The following ANO2 variants were observed in gnomAD, a reference collection of about 807,000 sequenced individuals.
ANO2 encodes anoctamin 2.
ANO2 carries 101 observed loss-of-function variants against 124.2 expected under a neutral mutation model. The ratio of observed to expected loss-of-function variants is 0.81; its 90% CI spans 0.69 to 0.96. The LOEUF (loss-of-function observed/expected upper bound fraction) is 0.96. Ranked by LOEUF, ANO2 falls within the 40% of genes least tolerant of loss-of-function variation. The pLI is 0.00. For synonymous variants in ANO2, 486 were observed against 482.5 expected (o/e 1.01, Z -0.09); for missense variants, 1,293 against 1,274.5 (o/e 1.01, Z -0.22).
At position 5,799,522 on chromosome 12, in the gene ANO2, G is replaced by T; in HGVS notation, c.1040C>A (p.Pro347His). The part of the protein sequence containing the change: ...ARYGVFYKFQ[P>H]IDLIRKYFGE... ...CACCTCTTACCTGATGAGGTCAATA[G>T]GTTGGAACTTATAGAACACTCCATA... Residue 347 changes from proline to histidine, a missense_variant, in exon 10 of 25, where the codon CCT (proline) becomes CAT (histidine). Coordinates refer to ENST00000682330, the MANE Select transcript of ANO2 (RefSeq NM_001364791.2). The T allele has an allele frequency of 6.2e-7, 1 of 1,613,884 alleles. No homozygotes were observed. The highest frequency in any genetic ancestry group is 8.5e-7 in the Non-Finnish European group (1 of 1,179,832).
chr12:5,791,139 A>G (rs1952683290), intron 10 of ANO2, among the ~76,000 whole-genome samples: 1 of 152,144 alleles, frequency 6.6e-6, no homozygotes, highest in Non-Finnish European at 1.5e-5. Flanking sequence ...TGAACCGTGG[A>G]AGCGTCTTAC....
At chr12:5,918,002 C>T (rs1391467955) in intron 3 of ANO2, among the ~76,000 whole-genome samples, 1 of 152,208 alleles carries the variant, frequency 6.6e-6, no homozygotes, top group Non-Finnish European at 1.5e-5. Context: ...CTCTTGAGCA[C>T]AGACATACTG....
chr12:5,848,625 C>T (rs568709227), intron 4 of ANO2, among the ~76,000 whole-genome samples: 39 of 152,330 alleles, frequency 2.6e-4, no homozygotes, highest in African/African-American at 9.1e-4. Context: ...CCAGCAACTG[C>T]ACCGCAGACC....
chr12:5,851,970 A>G (rs780786757), intron 4 of ANO2: 3 of 738,410 alleles, frequency 4.1e-6, no homozygotes, highest in Middle Eastern at 2.3e-4. Flanking sequence ...CTTTCCAAGG[A>G]TCAGCAGCAG....
intron 1 of ANO2, among the ~76,000 whole-genome samples, chr12:5,929,746 A>C (rs1942269293): frequency 6.7e-6 from 1 of 149,232 alleles, no homozygotes; most frequent in South Asian, 2.1e-4. Flanking sequence ...TCACTTTCTT[A>C]CCAGTCTTCC....
At chr12:5,775,981 G>A (rs936805988) in intron 10 of ANO2, among the ~76,000 whole-genome samples, 2 of 152,134 alleles carry the variant, frequency 1.3e-5, no homozygotes, top group African/African-American at 2.4e-5. Context: ...CCATCCTCAC[G>A]TATCATGATT....
intron 14 of ANO2, among the ~76,000 whole-genome samples, chr12:5,707,138 T>C (rs1173581708): frequency 6.6e-6 from 1 of 152,176 alleles, no homozygotes; most frequent in Non-Finnish European, 1.5e-5. Flanking sequence ...TTCCCCCATG[T>C]TGTTCTCATG....
At chr12:5,589,111 T>C (rs1483578880) in intron 20 of ANO2, among the ~76,000 whole-genome samples, 2 of 152,180 alleles carry the variant, frequency 1.3e-5, no homozygotes, top group African/African-American at 2.4e-5. Context: ...CAAGTCTTAG[T>C]TATCCATGGA....
chr12:5,858,597 C>A (rs1955177537), intron 3 of ANO2: 1 of 152,156 alleles, frequency 6.6e-6, no homozygotes. Context: ...GTCACTTAAC[C>A]AAATGAGCCT....
chr12:5,759,430 C>T lies in ANO2; in HGVS notation c.1056-8460G>A, dbSNP rs183337543. On this transcript the variant is annotated intron_variant, in intron 10 of 24. Coordinates refer to ENST00000682330, the MANE Select transcript of ANO2 (RefSeq NM_001364791.2). ...AAGTGACACCTTAGAGCAGGGGTCC[C>T]CAACCCCCAGACCACAGACTGGTAC... is the stretch of plus-strand genomic sequence containing the variant. Among the ~76,000 whole-genome samples the T allele has an allele frequency of 3.1e-3, 470 of 151,936 alleles. 1 individual carries two copies. The highest frequency in any genetic ancestry group is 0.011 in the African/African-American group (443 of 41,404).
intron 3 of ANO2, among the ~76,000 whole-genome samples, chr12:5,865,630 C>A (rs1955402453): frequency 6.6e-6 from 1 of 152,046 alleles, no homozygotes; most frequent in Non-Finnish European, 1.5e-5. Context: ...TGCCATCACA[C>A]CATCATACCA....
intron 3 of ANO2, among the ~76,000 whole-genome samples, chr12:5,890,591 T>C (rs1449240407): frequency 6.6e-6 from 1 of 152,200 alleles, no homozygotes; most frequent in African/African-American, 2.4e-5. Flanking sequence ...GTCCCCATCC[T>C]CAAGGTAGAG....
Position 5,762,278 on chromosome 12 carries a change from G to T in ANO2, c.1056-11308C>A, listed in dbSNP as rs1014088474. 3.9e-5 allele frequency among the ~76,000 whole-genome samples: 6 copies of T among 152,012 alleles called. No homozygotes were observed. The South Asian group carries it at 1.2e-3, about 32-fold the overall frequency. On this transcript the variant is annotated intron_variant, in intron 10 of 24. Transcript: ENST00000682330. ...CCTACTTTTGGCTTCTTATTACAAAGGAACTAAAATACCTGGGTCTGTTAG... is the reference window on the plus strand; with the variant it reads ...CCTACTTTTGGCTTCTTATTACAAATGAACTAAAATACCTGGGTCTGTTAG...
intron 3 of ANO2, among the ~76,000 whole-genome samples, chr12:5,892,249 T>G (rs796569847): frequency 1.3e-5 from 2 of 152,120 alleles, no homozygotes; most frequent in African/African-American, 2.4e-5. Context: ...CAAAAAAACA[T>G]GTTGAAAACA....
chr12:5,889,487 G>C (rs1469041258), intron 3 of ANO2, among the ~76,000 whole-genome samples: 1 of 152,230 alleles, frequency 6.6e-6, no homozygotes, highest in Non-Finnish European at 1.5e-5. Context: ...AAAGACACTT[G>C]GTAAAACATG....
chr12:5,649,486 A>T (rs1946807535), intron 14 of ANO2, among the ~76,000 whole-genome samples: 1 of 152,202 alleles, frequency 6.6e-6, no homozygotes, highest in Admixed American at 6.5e-5. Flanking sequence ...ATGGGATTAG[A>T]ACAAGACTCA....
intron 3 of ANO2, among the ~76,000 whole-genome samples, chr12:5,903,965 C>T (rs2098862182): frequency 6.6e-6 from 1 of 152,130 alleles, no homozygotes; most frequent in East Asian, 1.9e-4. Context: ...CGTGAGTAGC[C>T]CCCACATGGA....
At chr12:5,703,141 T>C (rs909782625) in intron 14 of ANO2, among the ~76,000 whole-genome samples, 2 of 152,216 alleles carry the variant, frequency 1.3e-5, no homozygotes, top group Non-Finnish European at 2.9e-5. Flanking sequence ...TATTAATCCA[T>C]AGAATATGGT....
At chr12:5,917,294 AT>A in intron 3 of ANO2, among the ~76,000 whole-genome samples, 1 of 152,260 alleles carries the variant, frequency 6.6e-6, no homozygotes, top group East Asian at 1.9e-4. Context: ...GGACCATTAC[AT>A]TTTAATTTCA....
Sources: allele counts gnomAD v4.1 joint callset (sites outside exome capture counted in the v4.1 genomes callset), GRCh38; gene constraint gnomAD v4.1.1; transcripts MANE v1.5; gene names NCBI Gene and HGNC (gene_info 2026-07-23, HGNC 2026-07-21).